The following ZNF257 variants were observed in gnomAD, a reference collection of about 807,000 sequenced individuals.
ZNF257 encodes zinc finger protein 257.
Under a neutral mutation model 11.9 loss-of-function variants are expected in ZNF257, and 12 were observed. The ratio of observed to expected loss-of-function variants is 1.01; its 90% CI spans 0.65 to 1.63. The LOEUF is 1.63. Ranked by LOEUF, ZNF257 falls within the 40% of genes most tolerant of loss-of-function variation. The pLI is 0.00. For synonymous variants in ZNF257, 183 were observed against 222.7 expected, an observed-to-expected ratio of 0.82 and a Z score of 1.59; for missense variants, 580 against 665.5, an observed-to-expected ratio of 0.87 and a Z score of 1.41.
At chr19:22,069,724 A>G (rs2022052001) in intron 1 of ZNF257, among the ~76,000 whole-genome samples, 1 of 152,226 alleles carries the variant, frequency 6.6e-6, no homozygotes, top group African/African-American at 2.4e-5. Context: ...TTATTTTGCT[A>G]AGAATACTTA....
Position 22,089,326 on chromosome 19 carries a change from C to A in ZNF257, c.1576C>A (p.Arg526Ser). The stretch of plus-strand genomic sequence containing the variant: ...TGAAGAATGTGGCAAGCCTTTTAAT[C>A]GTTTCTCATACCTTACCGTACATAA... ...KCEECGKPFN[R>S]FSYLTVHKRI... is the part of the protein sequence containing the mutation. The change falls in exon 4 of 4, where the codon CGT becomes AGT. Residue 526 changes from arginine (R) to serine (S), a missense_variant. Arg to Ser is a moderately radical substitution (Grantham distance 110). Transcript: ENST00000594947. The A allele has an allele frequency of 6.2e-7, 1 of 1,613,184 alleles. No homozygotes were observed. The highest frequency in any genetic ancestry group is 8.5e-7 in the Non-Finnish European group (1 of 1,179,734).
At chr19:22,061,324 T>C (rs909495072) in intron 1 of ZNF257, among the ~76,000 whole-genome samples, 1 of 152,198 alleles carries the variant, frequency 6.6e-6, no homozygotes, top group African/African-American at 2.4e-5. Flanking sequence ...TTTTGTTTTG[T>C]TTTTTATTTT....
chr19:22,082,094 A>G (rs1391158059), intron 3 of ZNF257, among the ~76,000 whole-genome samples: 2 of 150,824 alleles, frequency 1.3e-5, no homozygotes, highest in East Asian at 3.9e-4. Context: ...CATAACTTCA[A>G]CTGAATACAA....
At chr19:22,078,407 C>G (rs141123787) in intron 3 of ZNF257, among the ~76,000 whole-genome samples, 1 of 151,782 alleles carries the variant, frequency 6.6e-6, no homozygotes, top group African/African-American at 2.4e-5. Context: ...AATTATTTGA[C>G]CATTTCTAAA....
At chr19:22,079,191 G>A (rs919105288) in intron 3 of ZNF257, among the ~76,000 whole-genome samples, 1 of 152,038 alleles carries the variant, frequency 6.6e-6, no homozygotes, top group Non-Finnish European at 1.5e-5. Flanking sequence ...CTTTTAAAGG[G>A]GGGTTCATTT....
At chr19:22,073,330 T>G (rs1055551228) in intron 2 of ZNF257, 139 bp from the exon 3 acceptor site, 30 of 1,073,988 alleles carry the variant, frequency 2.8e-5, no homozygotes, top group Non-Finnish European at 3.8e-5. Flanking sequence ...TTCTAAATAT[T>G]TAGAAATTTC....
At chr19:22,062,316 G>C (rs969516722) in intron 1 of ZNF257, among the ~76,000 whole-genome samples, 1 of 151,134 alleles carries the variant, frequency 6.6e-6, no homozygotes, top group Non-Finnish European at 1.5e-5. Flanking sequence ...CGTAGAGACG[G>C]GGTTTCACCA....
intron 3 of ZNF257, among the ~76,000 whole-genome samples, chr19:22,084,846 T>C (rs1215693993): frequency 6.6e-6 from 1 of 151,800 alleles, no homozygotes; most frequent in Non-Finnish European, 1.5e-5. Context: ...TCTCGTGCTT[T>C]AGCCTGCTGA....
Position 22,059,809 on chromosome 19 carries a change from A to C in ZNF257, c.3+7174A>C, listed in dbSNP as rs79938821. 2.8e-3 allele frequency among the ~76,000 whole-genome samples: 419 copies of C among 151,852 alleles called. 1 individual carries two copies. Among genetic ancestry groups the C allele is most frequent in the African/African-American group, 9.3e-3 (387 of 41,424 alleles). On this transcript the variant is annotated intron_variant, in intron 1 of 3. Coordinates refer to ENST00000594947, the MANE Select transcript of ZNF257 (RefSeq NM_033468.4). ...GTGATCTAGGTTCAATGAAGCCTCAATCTCCTGAGCTTAAGCAATCCTCCT... is the reference window on the plus strand; with the variant it reads ...GTGATCTAGGTTCAATGAAGCCTCACTCTCCTGAGCTTAAGCAATCCTCCT...
Position 22,073,403 on chromosome 19 carries a change from G to T in ZNF257, c.131-66G>T. 2 of 1,490,954 alleles carry T rather than the reference G, an allele frequency of 1.3e-6. 1 individual carries two copies. Among genetic ancestry groups the T allele is most frequent in the South Asian group, 2.6e-5 (2 of 78,036 alleles). 92.4% of individuals were successfully genotyped at this position (1,490,954 alleles called of 1,614,324 possible). A position where few individuals can be genotyped will look rare whatever the true frequency, so the allele number is the denominator to read the frequency against. On this transcript the variant is annotated intron_variant, in intron 2 of 3. Transcript: ENST00000594947. ...TATTATATTACATTCTCTTTATTGA[G>T]CACATTACTAAGTTGGTAATTGGAG... is the stretch of plus-strand genomic sequence containing the variant.
Position 22,088,114 on chromosome 19 carries a change from G to C in ZNF257, c.364G>C (p.Glu122Gln), listed in dbSNP as rs750825774. ...QLRKGCKSVD[E>Q]CKVCKGGYNG... ...AAGAAAGGGCTGTAAAAGTGTGGAT[G>C]AGTGTAAGGTGTGCAAAGGAGGTTA... The change falls in exon 4 of 4, where the codon GAG becomes CAG. Residue 122 changes from glutamate to glutamine, a missense_variant. Transcript: ENST00000594947. The C allele has an allele frequency of 4.1e-5, 66 of 1,608,910 alleles. No homozygotes were observed. Among genetic ancestry groups the C allele is most frequent in the Non-Finnish European group, 5.4e-5 (63 of 1,176,756 alleles).
chr19:22,057,978 T>TGAAA (rs1284116097), intron 1 of ZNF257, among the ~76,000 whole-genome samples: 4 of 152,156 alleles, frequency 2.6e-5, no homozygotes, highest in Non-Finnish European at 5.9e-5. Flanking sequence ...GCCAGGCTGG[T>TGAAA]CTTGAACTCC....
chr19:22,071,079 A>G (rs2022092108), intron 1 of ZNF257, among the ~76,000 whole-genome samples: 1 of 152,128 alleles, frequency 6.6e-6, no homozygotes, highest in South Asian at 2.1e-4. Flanking sequence ...TGAAGGGTTC[A>G]AGGCATTCAT....
chr19:22,084,647 T>A (rs937698220), intron 3 of ZNF257, among the ~76,000 whole-genome samples: 4 of 152,072 alleles, frequency 2.6e-5, no homozygotes, highest in African/African-American at 4.8e-5. Flanking sequence ...TCGTTTAATT[T>A]CTATATATTT....
chr19:22,068,779 G>A (rs973972259), intron 1 of ZNF257, among the ~76,000 whole-genome samples: 5 of 152,124 alleles, frequency 3.3e-5, no homozygotes, highest in African/African-American at 7.2e-5. Context: ...TTACCCAAAA[G>A]CTAGCAAATC....
chr19:22,068,051 G>A (rs1318059979), intron 1 of ZNF257, among the ~76,000 whole-genome samples: 4 of 151,444 alleles, frequency 2.6e-5, no homozygotes, highest in East Asian at 1.9e-4. Context: ...AGAAAGGTAG[G>A]TATAGTTGTG....
chr19:22,056,690 G>A (rs1310745832), intron 1 of ZNF257, among the ~76,000 whole-genome samples: 1 of 151,874 alleles, frequency 6.6e-6, no homozygotes, highest in African/African-American at 2.4e-5. Context: ...ATGTTAGCCA[G>A]GATGGTCTCA....
At chr19:22,072,471 T>A (rs758607696) in intron 1 of ZNF257, among the ~76,000 whole-genome samples, 1 of 151,704 alleles carries the variant, frequency 6.6e-6, no homozygotes, top group Non-Finnish European at 1.5e-5. Context: ...ACTGGTGAAC[T>A]TGTTAGAAAT....
At position 22,052,487 on chromosome 19, in the gene ZNF257, TTG is replaced by T; in HGVS notation, c.-144_-143del. 3.2e-6 allele frequency: 3 copies of T among 934,682 alleles called. No homozygotes were observed. The highest frequency in any genetic ancestry group is 4.9e-6 in the Non-Finnish European group (3 of 611,532). The allele number at this position is 934,682 out of a possible 1,614,324, so 57.9% of individuals were successfully genotyped here. The stretch of plus-strand genomic sequence containing the variant: ...GTGGCTTCCGGGTTTGGCGGGTACT[TTG>T]TCTCTCGCTCTAGCCCGAGCTGCAG... On this transcript the variant is annotated 5_prime_UTR_variant, in exon 1 of 4. Coordinates refer to ENST00000594947, the MANE Select transcript of ZNF257 (RefSeq NM_033468.4).
Sources: allele counts gnomAD v4.1 joint callset (sites outside exome capture counted in the v4.1 genomes callset), GRCh38; gene constraint gnomAD v4.1.1; transcripts MANE v1.5; gene names NCBI Gene and HGNC (gene_info 2026-07-23, HGNC 2026-07-21).